The following TCERG1L variants were observed in gnomAD, a reference collection of about 807,000 sequenced individuals.
The protein encoded by TCERG1L is transcription elongation regulator 1-like protein.
A neutral mutation model predicts 56.3 loss-of-function variants in TCERG1L; 37 were observed. The ratio of observed to expected loss-of-function variants is 0.66; its 90% CI spans 0.51 to 0.87. TCERG1L has a LOEUF of 0.87. TCERG1L is among the 40% of genes least tolerant of loss of function. The probability of loss-of-function intolerance (pLI) is 0.00; values close to 1 mark genes in which losing one functional copy is unlikely to be tolerated. For missense variants in TCERG1L, 799 were observed against 774.2 expected (o/e 1.03, Z -0.38); for synonymous variants, 324 against 326.3 (o/e 0.99, Z 0.08).
At chr10:131,177,626 A>G (rs1263839630) in intron 4 of TCERG1L, among the ~76,000 whole-genome samples, 1 of 152,172 alleles carries the variant, frequency 6.6e-6, no homozygotes. Flanking sequence ...TACGGGCGTT[A>G]ACACGCCCAG....
At chr10:131,242,470 G>A (rs987137938) in intron 4 of TCERG1L, among the ~76,000 whole-genome samples, 2 of 151,594 alleles carry the variant, frequency 1.3e-5, no homozygotes, top group Non-Finnish European at 3.0e-5. Context: ...GGAGCACTCA[G>A]AGAGTGGTCA....
At position 131,260,118 on chromosome 10, in the gene TCERG1L, G is replaced by A; in HGVS notation, c.856+141C>T. 1.6e-6 allele frequency: 2 copies of A among 1,230,568 alleles called. No homozygotes were observed. Among genetic ancestry groups the A allele is most frequent in the African/African-American group, 1.6e-5 (1 of 64,486 alleles). 76.2% of individuals were successfully genotyped at this position (1,230,568 alleles called of 1,614,324 possible). On this transcript the variant is annotated intron_variant, in intron 4 of 11. Coordinates refer to ENST00000368642, the MANE Select transcript of TCERG1L (RefSeq NM_174937.4). The surrounding 1 kb of genome is among the most constrained non-coding windows in gnomAD (Gnocchi z 5.8). ...TCCGAAGTCAAGCAAAGCCCAAACGGCCCCAGCCGAATGTTTCCCTCAACC... is the reference window on the plus strand; with the variant it reads ...TCCGAAGTCAAGCAAAGCCCAAACGACCCCAGCCGAATGTTTCCCTCAACC...
intron 9 of TCERG1L, among the ~76,000 whole-genome samples, chr10:131,111,448 C>G (rs1311550207): frequency 7.0e-6 from 1 of 143,322 alleles, no homozygotes; most frequent in Non-Finnish European, 1.6e-5. Flanking sequence ...CCAAATTTGA[C>G]TGTTAAACAA....
chr10:131,237,592 A>C (rs1056522038), intron 4 of TCERG1L, among the ~76,000 whole-genome samples: 2 of 152,226 alleles, frequency 1.3e-5, no homozygotes, highest in African/African-American at 4.8e-5. Context: ...ACTCACATAC[A>C]ATGTCATCAT....
At position 131,116,786 on chromosome 10, in the gene TCERG1L, C is replaced by T. The variant is rs762078366; in HGVS notation, c.1395+13G>A. The T allele has an allele frequency of 5.8e-6, 9 of 1,552,270 alleles. No individual in the cohort carries two copies. The highest frequency in any genetic ancestry group is 2.7e-5 in the African/African-American group (2 of 73,336). On this transcript the variant is annotated intron_variant, in intron 9 of 11. Transcript: ENST00000368642. ...TGCCGTAGGAGTGCAGCCCCTCAGC[C>T]GCTGTGCCTTACCCCTCTCTCCAGC...
At chr10:131,292,046 C>A (rs1472232523) in intron 3 of TCERG1L, among the ~76,000 whole-genome samples, 2 of 152,140 alleles carry the variant, frequency 1.3e-5, no homozygotes, top group East Asian at 3.9e-4. Context: ...TTGACTGTCT[C>A]CAGTTCTCAA....
intron 3 of TCERG1L, among the ~76,000 whole-genome samples, chr10:131,299,056 ATT>A (rs1846729527): frequency 6.6e-6 from 1 of 152,176 alleles, no homozygotes; most frequent in South Asian, 2.1e-4. Context: ...GATTAAATGT[ATT>A]TGATTAGATT....
intron 3 of TCERG1L, among the ~76,000 whole-genome samples, chr10:131,305,304 G>A (rs1310175214): frequency 6.6e-6 from 1 of 152,096 alleles, no homozygotes; most frequent in East Asian, 1.9e-4. Flanking sequence ...ACGAATGAGT[G>A]CAGTGTATAT....
At chr10:131,243,716 A>T (rs1845998098) in intron 4 of TCERG1L, among the ~76,000 whole-genome samples, 1 of 152,242 alleles carries the variant, frequency 6.6e-6, no homozygotes, top group Non-Finnish European at 1.5e-5. Context: ...CCAAGACGCA[A>T]GTAAGTGACA....
At chr10:131,206,925 G>A (rs1321620631) in intron 4 of TCERG1L, among the ~76,000 whole-genome samples, 1 of 152,128 alleles carries the variant, frequency 6.6e-6, no homozygotes, top group Non-Finnish European at 1.5e-5. Context: ...CTCCCAGAGG[G>A]GCCAGGGAAG....
At chr10:131,156,186 C>T (rs10829935) in intron 6 of TCERG1L, 23,666 of 152,114 alleles carry the variant, frequency 0.16, 2,199 homozygotes, top group East Asian at 0.24. Context: ...CCACATGTAT[C>T]ATGTCTTGGG....
At chr10:131,116,693 G>C in intron 9 of TCERG1L, 106 bp downstream of exon 9, 1 of 1,429,568 alleles carries the variant, frequency 7.0e-7, no homozygotes, top group Non-Finnish European at 9.5e-7. Flanking sequence ...CACTCAGCCT[G>C]ATCATGAACT....
intron 3 of TCERG1L, among the ~76,000 whole-genome samples, chr10:131,285,018 C>T (rs1846505629): frequency 6.6e-6 from 1 of 152,102 alleles, no homozygotes; most frequent in African/African-American, 2.4e-5. Context: ...AAAAGAGGAG[C>T]CACTTCCCAG....
intron 3 of TCERG1L, among the ~76,000 whole-genome samples, chr10:131,302,359 G>A (rs1473973311): frequency 2.0e-5 from 3 of 150,762 alleles, no homozygotes; most frequent in African/African-American, 7.3e-5. Flanking sequence ...TTAAAGGGGA[G>A]ATATATATTT....
chr10:131,151,586 T>C (rs1160896234), intron 6 of TCERG1L, among the ~76,000 whole-genome samples: 1 of 152,180 alleles, frequency 6.6e-6, no homozygotes, highest in Non-Finnish European at 1.5e-5. Flanking sequence ...CGGGCTGTTG[T>C]TGAGTGATGG....
chr10:131,287,099 A>AG, intron 3 of TCERG1L, among the ~76,000 whole-genome samples: 1 of 152,260 alleles, frequency 6.6e-6, no homozygotes, highest in Non-Finnish European at 1.5e-5. Context: ...TACAAACATG[A>AG]GTGCCAGAAA....
chr10:131,308,204 C>T lies in TCERG1L; in HGVS notation c.670+7G>A. ...ACAGACATTGTCAATGTTATTTGGG[C>T]ACCAACCTGGGATGGGCTGAGGTGC... On this transcript the variant is annotated splice_region_variant and intron_variant, in intron 3 of 11. Coordinates refer to ENST00000368642, the MANE Select transcript of TCERG1L (RefSeq NM_174937.4). 6.3e-7 allele frequency: 1 copy of T among 1,594,030 alleles called. No homozygotes were observed. Among genetic ancestry groups the T allele is most frequent in the Non-Finnish European group, 8.5e-7 (1 of 1,171,814 alleles).
chr10:131,291,397 A>T (rs796662037), intron 3 of TCERG1L, among the ~76,000 whole-genome samples: 28 of 60,226 alleles, frequency 4.6e-4, no homozygotes, highest in Admixed American at 1.4e-3. Flanking sequence ...CATAAACAGC[A>T]TTTCTTTTTT....
At chr10:131,191,864 CAAAAAAAA>C (rs59816491) in intron 4 of TCERG1L, among the ~76,000 whole-genome samples, 1 of 28,704 alleles carries the variant, frequency 3.5e-5, no homozygotes, top group South Asian at 1.2e-3. Flanking sequence ...GACTCCGTCT[CAAAAAAAA>C]AAAAAAAAAA....
Sources: allele counts gnomAD v4.1 joint callset (sites outside exome capture counted in the v4.1 genomes callset), GRCh38; gene constraint gnomAD v4.1.1; non-coding constraint Gnocchi (gnomAD v3.1); transcripts MANE v1.5; gene names NCBI Gene and HGNC (gene_info 2026-07-23, HGNC 2026-07-21).